The following PCSK6 variants were observed in gnomAD, a reference collection of about 807,000 sequenced individuals.
The protein encoded by PCSK6 is proprotein convertase subtilisin/kexin type 6.
A neutral mutation model predicts 123.3 loss-of-function variants in PCSK6; 85 were observed. The ratio of observed to expected loss-of-function variants is 0.69; its 90% CI spans 0.58 to 0.83. PCSK6 has a LOEUF of 0.83. Among genes scored for constraint, PCSK6 ranks in the 40% least tolerant of loss-of-function variants. The pLI is 0.00. For synonymous variants in PCSK6, 508 were observed against 516.0 expected (o/e 0.98, Z 0.21); for missense variants, 1,191 against 1,282.3 (o/e 0.93, Z 1.09).
chr15:101,347,693 C>A, intron 13 of PCSK6: 2 of 1,606,346 alleles, frequency 1.2e-6, no homozygotes, highest in South Asian at 2.2e-5. Context: ...TGGCTTTGGT[C>A]ATCTGTCCCT....
At chr15:101,451,812 TA>T (rs1241345345) in intron 1 of PCSK6, among the ~76,000 whole-genome samples, 3 of 152,182 alleles carry the variant, frequency 2.0e-5, no homozygotes, top group Non-Finnish European at 4.4e-5. Context: ...TTAGACTCTA[TA>T]AAAACCTACA....
intron 7 of PCSK6, among the ~76,000 whole-genome samples, chr15:101,395,874 G>T (rs1484062792): frequency 1.3e-5 from 2 of 152,206 alleles, no homozygotes; most frequent in African/African-American, 4.8e-5. Flanking sequence ...ATAACTAGGT[G>T]TGAGAGGAGC....
In PCSK6 at chr15:101,366,509, G is replaced by A. The variant is rs77602220; in HGVS notation, c.1722-177C>T. Among the ~76,000 whole-genome samples, 1,201 of 152,240 alleles carry A rather than the reference G, an allele frequency of 7.9e-3. 22 individuals carry two copies. Among genetic ancestry groups the A allele is most frequent in the African/African-American group, 0.028 (1,143 of 41,518 alleles). On this transcript the variant is annotated intron_variant, in intron 12 of 21. Transcript: ENST00000611716. ...GCAAAGGGCACAGTGAAATGTGATC[G>A]TCTTTAAGCTCTTACACAGACTCTC...
At chr15:101,369,432 G>T (rs1375892560) in intron 12 of PCSK6, among the ~76,000 whole-genome samples, 1 of 152,256 alleles carries the variant, frequency 6.6e-6, no homozygotes, top group Non-Finnish European at 1.5e-5. Flanking sequence ...CACCAAAGGA[G>T]TCAAGTGGGC....
At chr15:101,330,262 C>T (rs1313092610) in intron 15 of PCSK6, among the ~76,000 whole-genome samples, 1 of 152,196 alleles carries the variant, frequency 6.6e-6, no homozygotes, top group Admixed American at 6.5e-5. Context: ...GTCCTGGGAC[C>T]CTGGCCATTT....
intron 1 of PCSK6, among the ~76,000 whole-genome samples, chr15:101,479,488 G>C (rs1441587404): frequency 6.6e-6 from 1 of 152,214 alleles, no homozygotes; most frequent in East Asian, 1.9e-4. Flanking sequence ...CCACCAGTGA[G>C]AGTATGAGTG....
intron 13 of PCSK6, chr15:101,346,735 T>C (rs2040739745): frequency 8.2e-7 from 1 of 1,225,140 alleles, no homozygotes; most frequent in East Asian, 3.2e-5. Flanking sequence ...GTCATTTTCA[T>C]TTTCATCAAT....
chr15:101,322,731 C>T (rs1017835540), intron 17 of PCSK6, 124 bp from the exon 18 acceptor site: 23 of 656,222 alleles, frequency 3.5e-5, no homozygotes, highest in Non-Finnish European at 5.5e-5. Context: ...AGTCCACCTC[C>T]GGAATGGGTG....
At chr15:101,448,823 T>C (rs2056958546) in intron 1 of PCSK6, among the ~76,000 whole-genome samples, 1 of 152,220 alleles carries the variant, frequency 6.6e-6, no homozygotes. Context: ...GGCAGGTTCT[T>C]TCCCAGAGAA....
chr15:101,347,302 A>G, intron 13 of PCSK6: 1 of 1,233,770 alleles, frequency 8.1e-7, no homozygotes, highest in Non-Finnish European at 1.0e-6. Flanking sequence ...AGATGTCAAT[A>G]AAACACAGAT....
chr15:101,380,020 T>C (rs749500491), intron 11 of PCSK6, among the ~76,000 whole-genome samples: 5 of 152,150 alleles, frequency 3.3e-5, no homozygotes, highest in Non-Finnish European at 7.4e-5. Context: ...TGTGAGACGG[T>C]AGGCTGGCTG....
intron 15 of PCSK6, among the ~76,000 whole-genome samples, chr15:101,327,654 A>G (rs1157608220): frequency 6.6e-6 from 1 of 152,182 alleles, no homozygotes; most frequent in African/African-American, 2.4e-5. Flanking sequence ...TGGGGACTTG[A>G]GGAAAAGACA....
intron 1 of PCSK6, among the ~76,000 whole-genome samples, chr15:101,457,713 G>A (rs909769451): frequency 6.6e-6 from 1 of 152,168 alleles, no homozygotes; most frequent in African/African-American, 2.4e-5. Context: ...AGGGCAGAGG[G>A]GAGCCGAGGA....
chr15:101,410,996 G>C (rs2055661720), intron 6 of PCSK6, among the ~76,000 whole-genome samples: 1 of 152,218 alleles, frequency 6.6e-6, no homozygotes, highest in Non-Finnish European at 1.5e-5. Flanking sequence ...ACCCAACCCA[G>C]GAGGAAGACT....
Position 101,382,118 on chromosome 15 carries a change from A to G in PCSK6, c.1506T>C (p.Cys502=), listed in dbSNP as rs1058260. The change falls in exon 11 of 22, where the codon TGT becomes TGC. Residue 502 remains cysteine (C), a synonymous_variant. Transcript: ENST00000611716. The part of the protein sequence containing the change: ...KWTAVPSQHM[C]VAASDKRPRS... ...TGGGTCTCTTGTCCGAGGCGGCCAC[A>G]CACATGTGCTGCGATGGCACTGCTG... 372,248 of 1,608,736 alleles carry G rather than the reference A, an allele frequency of 0.23. 43,889 individuals carry two copies. Among genetic ancestry groups the G allele is most frequent in the Middle Eastern group, 0.32 (1,938 of 6,054 alleles).
chr15:101,439,203 G>T (rs1281634412), intron 2 of PCSK6, among the ~76,000 whole-genome samples: 3 of 152,238 alleles, frequency 2.0e-5, no homozygotes, highest in Admixed American at 6.5e-5. Context: ...AGAGGCCGCT[G>T]GCACTGCAGT....
intron 1 of PCSK6, among the ~76,000 whole-genome samples, chr15:101,444,142 A>C (rs533196822): frequency 6.6e-5 from 10 of 152,168 alleles, no homozygotes; most frequent in Non-Finnish European, 1.3e-4. Flanking sequence ...AGCCAAAGAA[A>C]ACACATGGAT....
intron 7 of PCSK6, among the ~76,000 whole-genome samples, chr15:101,394,205 G>A (rs765064641): frequency 6.6e-6 from 1 of 151,050 alleles, no homozygotes; most frequent in African/African-American, 2.5e-5. Context: ...GAACTCCCGG[G>A]CTCAGGTGAT....
At chr15:101,481,727 G>A (rs1246409413) in intron 1 of PCSK6, among the ~76,000 whole-genome samples, 1 of 152,142 alleles carries the variant, frequency 6.6e-6, no homozygotes, top group Non-Finnish European at 1.5e-5. Context: ...GGTAGACAGG[G>A]GTCTCTTCTT....
Sources: gnomAD v4.1 joint callset for allele counts (sites outside exome capture counted in the v4.1 genomes callset) on GRCh38, gnomAD v4.1.1 for gene constraint, MANE v1.5 for transcripts, NCBI Gene and HGNC (gene_info 2026-07-23, HGNC 2026-07-21) for gene names.